The following THOC5 variants were observed in gnomAD, a reference collection of about 807,000 sequenced individuals.
The protein encoded by THOC5 is THO complex subunit 5.
A neutral mutation model predicts 92.9 loss-of-function variants in THOC5; 43 were observed. That is an observed-to-expected ratio of 0.46 (90% CI 0.36 to 0.60). The LOEUF (loss-of-function observed/expected upper bound fraction) is 0.60. Ranked by LOEUF, THOC5 falls within the 20% of genes least tolerant of loss-of-function variation. THOC5 has a pLI of 0.00. For synonymous variants in THOC5, 296 were observed against 320.1 expected, an observed-to-expected ratio of 0.92 and a Z score of 0.80; for missense variants, 659 against 849.4, an observed-to-expected ratio of 0.78 and a Z score of 2.79.
Position 29,539,540 on chromosome 22 carries a change from C to A in THOC5, c.453-64G>T, listed in dbSNP as rs575843021. ...GAAACTAAACTGTAGTTTAAGCAGG[C>A]CCAAAGTTATCCCCAACATATGCCT... On this transcript the variant is annotated intron_variant, in intron 5 of 19. Coordinates refer to ENST00000490103, the MANE Select transcript of THOC5 (RefSeq NM_003678.5). 4 of 1,558,302 alleles carry A rather than the reference C, an allele frequency of 2.6e-6. No homozygotes were observed. In the African/African-American group the frequency reaches 5.4e-5, roughly 21 times the overall value.
At chr22:29,546,493 G>C (rs1193620092) in intron 2 of THOC5, among the ~76,000 whole-genome samples, 1 of 151,806 alleles carries the variant, frequency 6.6e-6, no homozygotes, top group Non-Finnish European at 1.5e-5. Context: ...GCAGTGGCAT[G>C]ATCTCAGTTC....
chr22:29,511,385 A>T, intron 18 of THOC5, 89 bp from the exon 19 acceptor site: 1 of 1,438,888 alleles, frequency 6.9e-7, no homozygotes, highest in Non-Finnish European at 9.4e-7. Context: ...GATGGGCCCG[A>T]GCGCTGATGC....
At chr22:29,519,947 G>T (rs1462433476) in intron 14 of THOC5, 61 bp downstream of exon 14, 1 of 1,441,628 alleles carries the variant, frequency 6.9e-7, no homozygotes, top group South Asian at 1.2e-5. Context: ...CCTTTCTAGA[G>T]TCTATACAGG....
rs1352163618 is a variant in THOC5 at position 29,512,045 on chromosome 22, G to C, written c.1773C>G (p.Thr591=). Residue 591 remains threonine (T), a synonymous_variant, in exon 18 of 20, where the codon ACC becomes ACG. Coordinates refer to ENST00000490103, the MANE Select transcript of THOC5 (RefSeq NM_003678.5). ...CCCGAATGTTGTCATCGTTGCTGTT[G>C]GTTTTCTCCCCTTTCCAGTTCAAAC... ...QLCLNWKGEK[T]NSNDDNIRAM... is the part of the protein sequence containing the mutation. The C allele has an allele frequency of 6.2e-7, 1 of 1,613,942 alleles. No individual in the cohort carries two copies. The highest frequency in any genetic ancestry group is 1.3e-5 in the African/African-American group (1 of 74,918).
At chr22:29,522,892 T>C (rs186760856) in intron 12 of THOC5, among the ~76,000 whole-genome samples, 2,134 of 152,222 alleles carry the variant, frequency 0.014, 72 homozygotes, top group Admixed American at 0.088. Context: ...TCCCAGCTAC[T>C]TGGGAGGCTG....
At chr22:29,520,198 C>T (rs1309698193) in intron 13 of THOC5, 94 bp from the exon 14 acceptor site, 2 of 1,063,724 alleles carry the variant, frequency 1.9e-6, no homozygotes, top group Non-Finnish European at 2.7e-6. Context: ...GCCCCACAAA[C>T]CATCCAGTCC....
Position 29,539,311 on chromosome 22 carries a change from A to G in THOC5, c.599+19T>C. 6.2e-7 allele frequency: 1 copy of G among 1,611,716 alleles called. No individual in the cohort carries two copies. Among genetic ancestry groups the G allele is most frequent in the Non-Finnish European group, 8.5e-7 (1 of 1,178,572 alleles). ...ACTGACACTTTGTGGTTAAAAGGTC[A>G]GGAAGGAGGAAATGCTACCTTTTCC... is the stretch of plus-strand genomic sequence containing the variant. On this transcript the variant is annotated intron_variant, in intron 6 of 19. Transcript: ENST00000490103.
intron 7 of THOC5, 22 bp downstream of exon 7, chr22:29,536,602 G>A: frequency 6.7e-7 from 1 of 1,499,264 alleles, no homozygotes; most frequent in Non-Finnish European, 9.3e-7. Flanking sequence ...TGAAGGCAAA[G>A]CAAAAGGCCA....
At chr22:29,537,344 C>T (rs1490016491) in intron 6 of THOC5, among the ~76,000 whole-genome samples, 1 of 152,178 alleles carries the variant, frequency 6.6e-6, no homozygotes, top group Non-Finnish European at 1.5e-5. Context: ...CACAAATTTC[C>T]TAAGAACCAG....
At chr22:29,511,404 G>C (rs2063219783) in intron 18 of THOC5, 108 bp from the exon 19 acceptor site, 3 of 1,276,388 alleles carry the variant, frequency 2.4e-6, no homozygotes, top group East Asian at 2.4e-5. Context: ...GCCTCTGCAG[G>C]GGCTGGGCCA....
chr22:29,519,038 C>T lies in THOC5; in HGVS notation c.1457G>A (p.Arg486His), dbSNP rs1413120428. The T allele has an allele frequency of 3.7e-6, 6 of 1,608,364 alleles. No individual in the cohort carries two copies. The highest frequency in any genetic ancestry group is 3.4e-5 in the Admixed American group (2 of 59,272). Residue 486 changes from arginine to histidine, a missense_variant, in exon 15 of 20, where the codon CGC becomes CAC. By Grantham distance (29) the Arg-to-His change is conservative (BLOSUM62 0). Coordinates refer to ENST00000490103, the MANE Select transcript of THOC5 (RefSeq NM_003678.5). The part of the protein sequence containing the change: ...MKLLKTRVQS[R>H]LALHKQFASL... ...TGCAAACTGTTTGTGGAGGGCCAGG[C>T]GGGACTGCACCCTGGTCTTCAGAAG...
chr22:29,516,147 G>GAAAAA (rs57982377), intron 17 of THOC5, among the ~76,000 whole-genome samples: 1 of 122,056 alleles, frequency 8.2e-6, no homozygotes, highest in East Asian at 2.2e-4. Context: ...TATCTCTACT[G>GAAAAA]AAAAAAAAAA....
In THOC5 at chr22:29,549,292, T is replaced by C. The variant is rs2064093383; in HGVS notation, c.-11-134A>G. On this transcript the variant is annotated intron_variant, in intron 1 of 19. Transcript: ENST00000490103. ...CCCTCAAAGCCTCAATTTAACCCTC[T>C]GTAATACAACAGGGAAGCATCTCTC... The C allele has an allele frequency of 5.8e-6, 4 of 694,856 alleles. No individual in the cohort carries two copies. In the Admixed American group the frequency reaches 1.0e-4, roughly 18 times the overall value. The allele number at this position is 694,856 out of a possible 1,614,324, so 43.0% of individuals were successfully genotyped here. A position where few individuals can be genotyped will look rare whatever the true frequency, so the allele number is the denominator to read the frequency against.
At chr22:29,517,774 C>T (rs546568161) in intron 15 of THOC5, among the ~76,000 whole-genome samples, 1 of 152,322 alleles carries the variant, frequency 6.6e-6, no homozygotes, top group East Asian at 1.9e-4. Context: ...GGGAGAAGAG[C>T]CAGATAACTG....
rs867555150 is a variant in THOC5, at chr22:29,541,785, C to T, written c.452+1074G>A. Among the ~76,000 whole-genome samples, 155 of 139,654 alleles carry T rather than the reference C, an allele frequency of 1.1e-3. 1 individual carries two copies. In the Middle Eastern group the frequency reaches 0.016, roughly 14 times the overall value. The allele number at this position is 139,654 out of a possible 152,430, so 91.6% of individuals were successfully genotyped here. ...CTGAGGCAGGAGAATGGCGTGAACC[C>T]GGGAGGCGGAGCTTGCAGTGAGCCG... On this transcript the variant is annotated intron_variant, in intron 5 of 19. Transcript: ENST00000490103.
At chr22:29,542,743 G>T (rs2063924384) in intron 5 of THOC5, 116 bp downstream of exon 5, 2 of 619,694 alleles carry the variant, frequency 3.2e-6, no homozygotes, top group Admixed American at 3.1e-5. Context: ...CAGCCTGGGT[G>T]ACAGGGCAAG....
intron 12 of THOC5, among the ~76,000 whole-genome samples, chr22:29,522,551 A>AT (rs1601403637): frequency 6.6e-6 from 1 of 152,176 alleles, no homozygotes; most frequent in East Asian, 1.9e-4. Context: ...GGCAAAATTT[A>AT]TATCTGCAAC....
intron 8 of THOC5, among the ~76,000 whole-genome samples, chr22:29,530,795 C>A (rs1028437427): frequency 6.6e-6 from 1 of 152,114 alleles, no homozygotes; most frequent in Non-Finnish European, 1.5e-5. Flanking sequence ...AGGCCACCAC[C>A]GTCCAACTCC....
At chr22:29,522,933 G>A (rs1020001742) in intron 12 of THOC5, among the ~76,000 whole-genome samples, 30 of 152,092 alleles carry the variant, frequency 2.0e-4, no homozygotes, top group Admixed American at 7.2e-4. Context: ...CCCAGGAGGC[G>A]GAGGTTGCAG....
Sources: gnomAD v4.1 joint callset for allele counts (sites outside exome capture counted in the v4.1 genomes callset) on GRCh38, gnomAD v4.1.1 for gene constraint, MANE v1.5 for transcripts, NCBI Gene and HGNC (gene_info 2026-07-23, HGNC 2026-07-21) for gene names.